Variants in KIAA1671 observed in about 807,000 individuals in gnomAD.
KIAA1671 encodes the protein uncharacterized protein KIAA1671.
KIAA1671 carries 52 observed loss-of-function variants against 131.2 expected under a neutral mutation model. That is an observed-to-expected ratio of 0.40 (90% CI 0.32 to 0.50). KIAA1671 has a LOEUF of 0.50. KIAA1671 is among the 20% of genes least tolerant of loss of function. KIAA1671 has a pLI of 0.73. For synonymous variants in KIAA1671, 1,003 were observed against 961.6 expected, an observed-to-expected ratio of 1.04 and a Z score of -0.80; for missense variants, 2,360 against 2,364.2, an observed-to-expected ratio of 1.00 and a Z score of 0.04.
intron 6 of KIAA1671, 116 bp downstream of exon 6, chr22:25,049,480 C>T: frequency 8.6e-7 from 1 of 1,165,588 alleles, no homozygotes; most frequent in South Asian, 1.6e-5. Context: ...GGGTTGAGGG[C>T]AGCAGGCAAC....
At chr22:25,000,891 C>T (rs1924431796) in intron 1 of KIAA1671, among the ~76,000 whole-genome samples, 1 of 151,070 alleles carries the variant, frequency 6.6e-6, no homozygotes, top group African/African-American at 2.4e-5. Flanking sequence ...AAGCAATTCT[C>T]CTGCCTCGGC....
intron 6 of KIAA1671, among the ~76,000 whole-genome samples, chr22:25,099,257 C>T (rs34001094): frequency 0.041 from 6,251 of 152,202 alleles, 199 homozygotes; most frequent in Non-Finnish European, 0.063. Context: ...TACCGTTTTT[C>T]TCCCCTTTTA....
chr22:24,985,559 T>G (rs1383216381), intron 1 of KIAA1671, among the ~76,000 whole-genome samples: 1 of 152,188 alleles, frequency 6.6e-6, no homozygotes, highest in African/African-American at 2.4e-5. Context: ...CAGGATGGTC[T>G]CGATCTCCTG....
At chr22:25,093,733 ACACACTCTCTCTCTCT>A in intron 6 of KIAA1671, among the ~76,000 whole-genome samples, 1 of 33,242 alleles carries the variant, frequency 3.0e-5, no homozygotes, top group South Asian at 8.8e-4. Flanking sequence ...ACACACACAC[ACACACTCTCTCTCTCT>A]CTCTCTCTCT....
chr22:25,012,167 G>A (rs1337948508), intron 1 of KIAA1671: 2 of 152,112 alleles, frequency 1.3e-5, no homozygotes. Flanking sequence ...CTTTACTGGT[G>A]ATTTTCCCTG....
At position 25,163,031 on chromosome 22, in the gene KIAA1671, A is replaced by T. The variant is rs77630926; in HGVS notation, c.4531-7789A>T. On this transcript the variant is annotated intron_variant, in intron 6 of 12. Coordinates refer to ENST00000358431, the MANE Select transcript of KIAA1671 (RefSeq NM_001145206.2). ...ACAACACACATTGTTTTGTTACCTT[A>T]AAAAAATTTTTTTTGGCCTGGCATG... is the stretch of plus-strand genomic sequence containing the variant. Among the ~76,000 whole-genome samples the T allele has an allele frequency of 7.6e-3, 1,164 of 152,262 alleles. 22 individuals carry two copies. Among genetic ancestry groups the T allele is most frequent in the African/African-American group, 0.027 (1,120 of 41,542 alleles).
intron 1 of KIAA1671, among the ~76,000 whole-genome samples, chr22:25,003,865 T>A (rs1265945934): frequency 1.3e-5 from 2 of 151,708 alleles, no homozygotes; most frequent in Non-Finnish European, 2.9e-5. Context: ...TCACCTGGGC[T>A]GGAGTATAGT....
chr22:25,039,353 G>C lies in KIAA1671; in HGVS notation c.2223G>C (p.Glu741Asp). The change falls in exon 5 of 13, where the codon GAG becomes GAC. Residue 741 changes from glutamate (E) to aspartate (D), a missense_variant. By Grantham distance (45) the Glu-to-Asp change is conservative. Transcript: ENST00000358431. ...ATGACATTGTGCATGCAGTGGGAGA[G>C]CGTGTGCACAGCGAGGCCATCTCAC... ...PRYDIVHAVG[E>D]RVHSEAISPA... is the part of the protein sequence containing the mutation. 1 of 1,551,938 alleles carries C rather than the reference G, an allele frequency of 6.4e-7. No individual in the cohort carries two copies.
intron 6 of KIAA1671, among the ~76,000 whole-genome samples, chr22:25,156,757 C>G (rs565810956): frequency 1.3e-5 from 2 of 152,186 alleles, no homozygotes; most frequent in Non-Finnish European, 2.9e-5. Flanking sequence ...CTTCCAGTAG[C>G]AGGGATGGTC....
At chr22:25,080,725 CTT>C (rs933166689) in intron 6 of KIAA1671, among the ~76,000 whole-genome samples, 2 of 152,170 alleles carry the variant, frequency 1.3e-5, no homozygotes, top group Non-Finnish European at 2.9e-5. Context: ...ATTTCAGACT[CTT>C]TGTCTGCCTG....
chr22:25,013,171 A>G (rs1315556067), intron 1 of KIAA1671: 1 of 152,242 alleles, frequency 6.6e-6, no homozygotes, highest in African/African-American at 2.4e-5. Context: ...GGCCCAGGAA[A>G]TCAGCATAGG....
chr22:24,962,168 G>A (rs372553896), intron 1 of KIAA1671, among the ~76,000 whole-genome samples: 2 of 152,192 alleles, frequency 1.3e-5, no homozygotes, highest in East Asian at 3.9e-4. Flanking sequence ...AGCCAGTAGA[G>A]TGAGAGAACG....
chr22:24,964,919 GA>G (rs1336589439), intron 1 of KIAA1671, among the ~76,000 whole-genome samples: 1 of 152,078 alleles, frequency 6.6e-6, no homozygotes, highest in East Asian at 1.9e-4. Flanking sequence ...GGGCAGAGCC[GA>G]AAAATCCTAG....
intron 1 of KIAA1671, among the ~76,000 whole-genome samples, chr22:25,005,722 G>T (rs765289253): frequency 6.6e-6 from 1 of 152,186 alleles, no homozygotes; most frequent in Non-Finnish European, 1.5e-5. Flanking sequence ...TCCTTCCCGT[G>T]GGGGAGTAAT....
intron 1 of KIAA1671, among the ~76,000 whole-genome samples, chr22:25,008,219 A>T (rs1420565228): frequency 1.5e-5 from 2 of 130,410 alleles, no homozygotes; most frequent in Non-Finnish European, 1.7e-5. Flanking sequence ...AAAAAAAAAA[A>T]GGAAAAAGAA....
At position 25,149,229 on chromosome 22, in the gene KIAA1671, G is replaced by T. The variant is rs181254848; in HGVS notation, c.4531-21591G>T. Among the ~76,000 whole-genome samples the T allele has an allele frequency of 1.3e-3, 201 of 152,320 alleles. 2 individuals carry two copies. Among genetic ancestry groups the T allele is most frequent in the Non-Finnish European group, 1.2e-3 (82 of 68,024 alleles). On this transcript the variant is annotated intron_variant, in intron 6 of 12. Transcript: ENST00000358431. The stretch of plus-strand genomic sequence containing the variant: ...GCCCAAGGCTGCACAGCTTCTAGGT[G>T]CCTGGGAACCAGGATTGGAGCCTGG...
At chr22:25,173,300 C>G (rs891395177) in intron 7 of KIAA1671, among the ~76,000 whole-genome samples, 1 of 152,172 alleles carries the variant, frequency 6.6e-6, no homozygotes, top group Admixed American at 6.5e-5. Flanking sequence ...TGTCACCAAC[C>G]CTAACTTGTA....
intron 4 of KIAA1671, among the ~76,000 whole-genome samples, chr22:25,038,057 G>C (rs1029867025): frequency 2.0e-5 from 3 of 152,142 alleles, no homozygotes; most frequent in Non-Finnish European, 4.4e-5. Context: ...CTGGAGTCTT[G>C]AATTCCTGAG....
At position 25,040,056 on chromosome 22, in the gene KIAA1671, C is replaced by G; in HGVS notation, c.2926C>G (p.Arg976Gly). 6.4e-7 allele frequency: 1 copy of G among 1,551,686 alleles called. No individual in the cohort carries two copies. Among genetic ancestry groups the G allele is most frequent in the East Asian group, 2.4e-5 (1 of 40,914 alleles). Residue 976 changes from arginine (R) to glycine (G), a missense_variant, in exon 5 of 13, where the codon CGA (arginine) becomes GGA (glycine). Coordinates refer to ENST00000358431, the MANE Select transcript of KIAA1671 (RefSeq NM_001145206.2). ...PEDSPHVGHR[R>G]TDYVSPTASA... The stretch of plus-strand genomic sequence containing the variant: ...GGACTCTCCACATGTGGGGCACAGA[C>G]GAACAGATTATGTGAGCCCCACAGC...
Sources: allele counts gnomAD v4.1 joint callset (sites outside exome capture counted in the v4.1 genomes callset), GRCh38; gene constraint gnomAD v4.1.1; transcripts MANE v1.5; gene names NCBI Gene and HGNC (gene_info 2026-07-23, HGNC 2026-07-21).